Variants in GABRB1 observed in about 807,000 individuals in gnomAD.
GABRB1 encodes the protein gamma-aminobutyric acid receptor subunit beta-1.
GABRB1 carries 17 observed loss-of-function variants against 51.6 expected under a neutral mutation model. The ratio of observed to expected loss-of-function variants is 0.33; its 90% CI spans 0.23 to 0.49. The LOEUF (loss-of-function observed/expected upper bound fraction) is 0.49. Ranked by LOEUF, GABRB1 falls within the 20% of genes least tolerant of loss-of-function variation. The pLI, the probability that GABRB1 is intolerant of heterozygous loss-of-function variation, is 0.99. For missense variants in GABRB1, 410 were observed against 600.6 expected (o/e 0.68, Z 3.32); for synonymous variants, 247 against 218.9 (o/e 1.13, Z -1.14).
Position 47,161,230 on chromosome 4 carries a change from T to G in GABRB1, c.241-19T>G, listed in dbSNP as rs754496664. ...GATAGTAAAATTCTTTTTTTTTTTT[T>G]GCTTTCTTTATTTCACAGGATTATA... On this transcript the variant is annotated intron_variant, in intron 3 of 8. Coordinates refer to ENST00000295454, the MANE Select transcript of GABRB1 (RefSeq NM_000812.4). 1.4e-6 allele frequency: 2 copies of G among 1,439,566 alleles called. No homozygotes were observed. The highest frequency in any genetic ancestry group is 1.9e-6 in the Non-Finnish European group (2 of 1,050,778). The allele number at this position is 1,439,566 out of a possible 1,614,324, so 89.2% of individuals were successfully genotyped here.
chr4:47,299,405 T>C (rs1170887104), intron 4 of GABRB1, among the ~76,000 whole-genome samples: 5 of 151,640 alleles, frequency 3.3e-5, no homozygotes, highest in East Asian at 3.9e-4. Flanking sequence ...AAAAAACAAA[T>C]AACCCCATCA....
intron 4 of GABRB1, among the ~76,000 whole-genome samples, chr4:47,168,981 C>A (rs1250464238): frequency 2.6e-5 from 4 of 152,012 alleles, no homozygotes; most frequent in African/African-American, 7.2e-5. Context: ...TGTAAGGACA[C>A]CAGCCATCAC....
At chr4:47,203,952 T>C (rs1012124815) in intron 4 of GABRB1, among the ~76,000 whole-genome samples, 18 of 152,096 alleles carry the variant, frequency 1.2e-4, no homozygotes, top group Admixed American at 2.6e-4. Context: ...GTCTGAAGAA[T>C]AAAAAATAAA....
chr4:47,098,655 T>C (rs759985009), intron 3 of GABRB1, among the ~76,000 whole-genome samples: 12 of 152,098 alleles, frequency 7.9e-5, no homozygotes, highest in Non-Finnish European at 1.5e-4. Flanking sequence ...TAGAGGTGTG[T>C]AAAGAGTAAA....
intron 5 of GABRB1, among the ~76,000 whole-genome samples, chr4:47,355,004 T>TTTTTTTTTTTAG: frequency 7.0e-6 from 1 of 143,700 alleles, no homozygotes; most frequent in Non-Finnish European, 1.5e-5. Context: ...TTTTTTTTTT[T>TTTTTTTTTTTAG]TGACAGAATC....
intron 4 of GABRB1, among the ~76,000 whole-genome samples, chr4:47,311,164 C>A (rs756059632): frequency 1.3e-5 from 2 of 150,382 alleles, no homozygotes; most frequent in Non-Finnish European, 3.0e-5. Context: ...GAGGCCAAGG[C>A]GGGTGGATCA....
rs1302453059 is a variant in GABRB1 at position 47,097,425 on chromosome 4, A to C, written c.241-63824A>C. ...GCTCCAATAACACCTAATCAAGTGA[A>C]TCTTCCGTGACTGCAAATGAATTGG... On this transcript the variant is annotated intron_variant, in intron 3 of 8. Coordinates refer to ENST00000295454, the MANE Select transcript of GABRB1 (RefSeq NM_000812.4). 2.0e-5 allele frequency among the ~76,000 whole-genome samples: 3 copies of C among 152,262 alleles called. No individual in the cohort carries two copies. In the East Asian group the frequency reaches 5.8e-4, roughly 29 times the overall value.
At chr4:47,078,015 G>T (rs1727650823) in intron 3 of GABRB1, among the ~76,000 whole-genome samples, 1 of 136,910 alleles carries the variant, frequency 7.3e-6, no homozygotes. Context: ...TTGGGAAGGA[G>T]TTTTGCTCTT....
intron 2 of GABRB1, among the ~76,000 whole-genome samples, 156 bp downstream of exon 2, chr4:47,032,161 C>CACA (rs71193897): frequency 1.4e-5 from 2 of 141,878 alleles, no homozygotes; most frequent in Admixed American, 1.4e-4. Context: ...CACACACACA[C>CACA]CCCGGGTCCC....
At chr4:47,194,100 C>T (rs1719550840) in intron 4 of GABRB1, among the ~76,000 whole-genome samples, 1 of 152,154 alleles carries the variant, frequency 6.6e-6, no homozygotes, top group South Asian at 2.1e-4. Flanking sequence ...GACTGTAGCA[C>T]TCTCATCTCG....
At chr4:47,415,953 C>G (rs892091841) in intron 8 of GABRB1, among the ~76,000 whole-genome samples, 2 of 152,140 alleles carry the variant, frequency 1.3e-5, no homozygotes, top group Non-Finnish European at 2.9e-5. Flanking sequence ...CAGATTTCCC[C>G]ATTCTGCAGA....
chr4:47,031,844 G>T (rs916868016), intron 1 of GABRB1, 70 bp from the exon 2 acceptor site: 2 of 1,509,988 alleles, frequency 1.3e-6, no homozygotes, highest in Non-Finnish European at 1.8e-6. Context: ...GGGTAGGTGT[G>T]CCTGTATCTT....
At chr4:47,184,463 T>G (rs1719085546) in intron 4 of GABRB1, among the ~76,000 whole-genome samples, 1 of 151,898 alleles carries the variant, frequency 6.6e-6, no homozygotes, top group Non-Finnish European at 1.5e-5. Flanking sequence ...ACAATAAAAC[T>G]TTGCTGCTCC....
Position 47,352,295 on chromosome 4 carries a change from G to C in GABRB1, c.544+32086G>C, listed in dbSNP as rs371682590. ...ATCAATAGCTTACCAACTAAAAAGAGTCCAGGACCAGATGGATTCACAGCC... is the reference window on the plus strand; with the variant it reads ...ATCAATAGCTTACCAACTAAAAAGACTCCAGGACCAGATGGATTCACAGCC... On this transcript the variant is annotated intron_variant, in intron 5 of 8. Coordinates refer to ENST00000295454, the MANE Select transcript of GABRB1 (RefSeq NM_000812.4). Among the ~76,000 whole-genome samples, 776 of 152,254 alleles carry C rather than the reference G, an allele frequency of 5.1e-3. 5 individuals are homozygous for C. The highest frequency in any genetic ancestry group is 0.018 in the African/African-American group (741 of 41,538).
At chr4:47,216,563 G>C (rs773597936) in intron 4 of GABRB1, among the ~76,000 whole-genome samples, 1 of 151,748 alleles carries the variant, frequency 6.6e-6, no homozygotes, top group Non-Finnish European at 1.5e-5. Flanking sequence ...AAAAACTATG[G>C]TTCAGATTAG....
chr4:47,028,871 C>T (rs1016515493), upstream of GABRB1, among the ~76,000 whole-genome samples: 1 of 142,736 alleles, frequency 7.0e-6, no homozygotes. Flanking sequence ...GGTATATATA[C>T]CATATATATA....
At chr4:47,153,181 G>C (rs917649917) in intron 3 of GABRB1, among the ~76,000 whole-genome samples, 5 of 152,000 alleles carry the variant, frequency 3.3e-5, no homozygotes, top group Admixed American at 6.6e-5. Flanking sequence ...ATACCAGTCA[G>C]CCTTTATGTC....
intron 4 of GABRB1, among the ~76,000 whole-genome samples, chr4:47,199,119 C>T (rs918208465): frequency 1.3e-5 from 2 of 152,056 alleles, no homozygotes; most frequent in African/African-American, 4.8e-5. Flanking sequence ...GGAGGCGGGG[C>T]CTGGTTTCTC....
intron 4 of GABRB1, among the ~76,000 whole-genome samples, chr4:47,268,771 C>T (rs879366432): frequency 6.6e-6 from 1 of 152,116 alleles, no homozygotes; most frequent in Non-Finnish European, 1.5e-5. Context: ...TATCAGCTAG[C>T]TGAAGTAGAA....
Sources: allele counts gnomAD v4.1 joint callset (sites outside exome capture counted in the v4.1 genomes callset), GRCh38; gene constraint gnomAD v4.1.1; transcripts MANE v1.5; gene names NCBI Gene and HGNC (gene_info 2026-07-23, HGNC 2026-07-21).